Variants in KNG1 observed in about 807,000 individuals in gnomAD.
KNG1 encodes the protein kininogen-1.
In KNG1, 23 loss-of-function variants were observed where a neutral mutation model predicts 47.8. That is an observed-to-expected ratio of 0.48 (90% CI 0.35 to 0.68). KNG1 has a LOEUF of 0.68. KNG1 is among the 30% of genes least tolerant of loss of function. The pLI, the probability that KNG1 is intolerant of heterozygous loss-of-function variation, is 0.01. For missense variants in KNG1, 762 were observed against 790.2 expected (o/e 0.96, Z 0.43); for synonymous variants, 277 against 277.0 (o/e 1.00, Z 0.00).
At chr3:186,720,049 A>G in intron 1 of KNG1, 56 bp from the exon 2 acceptor site, 1 of 1,094,944 alleles carries the variant, frequency 9.1e-7, no homozygotes, top group Non-Finnish European at 1.4e-6. Context: ...ACCCACTAGA[A>G]TTATTTGCTG....
chr3:186,727,203 T>C (rs1381235665), intron 4 of KNG1, 34 bp from the exon 5 acceptor site: 4 of 1,377,974 alleles, frequency 2.9e-6, no homozygotes, highest in Non-Finnish European at 4.1e-6. Flanking sequence ...ATGTTTAAAC[T>C]GCCCTTTAAA....
At chr3:186,732,439 G>A (rs1720559748) in intron 6 of KNG1, 63 bp from the exon 7 acceptor site, 1 of 1,488,872 alleles carries the variant, frequency 6.7e-7, no homozygotes, top group Non-Finnish European at 9.4e-7. Context: ...TCTTGTGCAG[G>A]AGGGATGCTA....
intron 2 of KNG1, among the ~76,000 whole-genome samples, chr3:186,720,765 A>G (rs2651641): frequency 0.23 from 33,536 of 145,546 alleles, 4,385 homozygotes; most frequent in African/African-American, 0.33. Context: ...CTGGCACACC[A>G]TAGCTGGTTG....
In KNG1 at chr3:186,743,134, CT is replaced by C. The variant is rs1445860169; in HGVS notation, c.*804del. 5.8e-6 allele frequency: 1 copy of C among 173,128 alleles called. No individual in the cohort carries two copies. Among genetic ancestry groups the C allele is most frequent in the Non-Finnish European group, 1.2e-5 (1 of 86,392 alleles). 10.7% of individuals were successfully genotyped at this position (173,128 alleles called of 1,614,324 possible). A position where few individuals can be genotyped will look rare whatever the true frequency, so the allele number is the denominator to read the frequency against. On this transcript the variant is annotated 3_prime_UTR_variant, in exon 10 of 10. Coordinates refer to ENST00000644859, the MANE Select transcript of KNG1 (RefSeq NM_001102416.3). ...CAACAGGCTTTCATATAGAAGTATTCTGTTTATTTTTGCTGAGCCTAGATTG... is the reference window on the plus strand; with the variant it reads ...CAACAGGCTTTCATATAGAAGTATTCGTTTATTTTTGCTGAGCCTAGATTG...
intron 7 of KNG1, among the ~76,000 whole-genome samples, chr3:186,737,083 T>C (rs1343828193): frequency 6.6e-6 from 1 of 152,164 alleles, no homozygotes; most frequent in Non-Finnish European, 1.5e-5. Flanking sequence ...GGATCTTAAT[T>C]TGAATTCTCT....
intron 9 of KNG1, among the ~76,000 whole-genome samples, 159 bp downstream of exon 9, chr3:186,739,573 C>A (rs1335771462): frequency 6.6e-6 from 1 of 152,170 alleles, no homozygotes; most frequent in East Asian, 1.9e-4. Context: ...TGTTTAATGG[C>A]TAGAAAGAAG....
At position 186,722,491 on chromosome 3, in the gene KNG1, G is replaced by A. The variant is rs578110004; in HGVS notation, c.361G>A (p.Val121Met). ...GAAGAGGAGCAGTACGAAATTCTCC[G>A]TGGCTACCCAGACCTGCCAGATTAC... ...VGKRSSTKFSVATQTCQITPA... is the reference protein window; with the variant it reads ...VGKRSSTKFSMATQTCQITPA... Residue 121 changes from valine (V) to methionine (M), a missense_variant, in exon 3 of 10, where the codon GTG (valine) becomes ATG (methionine). Physicochemically the swap from Val to Met is conservative, Grantham distance 21. Coordinates refer to ENST00000644859, the MANE Select transcript of KNG1 (RefSeq NM_001102416.3). 48 of 1,614,012 alleles carry A rather than the reference G, an allele frequency of 3.0e-5. No individual in the cohort carries two copies. The South Asian group carries it at 4.0e-4, about 13-fold the overall frequency.
At position 186,739,394 on chromosome 3, in the gene KNG1, A is replaced by AGTAAAAAAATTT; in HGVS notation, c.1105_1106insGTAAAAAAATTT (p.Asn369delinsSerLysLysIleTyr). On this transcript the variant is annotated protein_altering_variant, in exon 9 of 10. Coordinates refer to ENST00000644859, the MANE Select transcript of KNG1 (RefSeq NM_001102416.3). Reference sequence around the variant, plus strand: ...GGAGAAAAAAATTTACCCTACTGTCAACTGTCAACCACTGGGAATGGTATG... The same window carrying AGTAAAAAAATTT: ...GGAGAAAAAAATTTACCCTACTGTCAGTAAAAAAATTTACTGTCAACCACTGGGAATGGTATG... 2 of 1,611,026 alleles carry AGTAAAAAAATTT rather than the reference A, an allele frequency of 1.2e-6. No homozygotes were observed. The highest frequency in any genetic ancestry group is 1.7e-6 in the Non-Finnish European group (2 of 1,177,136).
At chr3:186,727,160 A>T (rs1720397047) in intron 4 of KNG1, 77 bp from the exon 5 acceptor site, 1 of 1,017,694 alleles carries the variant, frequency 9.8e-7, no homozygotes, top group Non-Finnish European at 1.6e-6. Flanking sequence ...TGTTTTCTAA[A>T]CTCCTCATAA....
chr3:186,730,669 AAAAAAAAAAAAAAAATATATATAT>A lies in KNG1; in HGVS notation c.673-874_673-851del, dbSNP rs1321969109. 1.6e-3 allele frequency among the ~76,000 whole-genome samples: 105 copies of A among 64,204 alleles called. 1 individual carries two copies. Among genetic ancestry groups the A allele is most frequent in the African/African-American group, 6.5e-3 (97 of 14,842 alleles). The allele number at this position is 64,204 out of a possible 152,430, so 42.1% of individuals were successfully genotyped here. On this transcript the variant is annotated intron_variant, in intron 5 of 9. Coordinates refer to ENST00000644859, the MANE Select transcript of KNG1 (RefSeq NM_001102416.3). ...AGACTCCATCACAAAAAAAAAAAAAAAAAAAAAAAAAAAAATATATATATATATATATATATATATATATATACA... is the reference window on the plus strand; with the variant it reads ...AGACTCCATCACAAAAAAAAAAAAAAATATATATATATATATATATATACA...
chr3:186,720,213 G>A lies in KNG1; in HGVS notation c.304G>A (p.Ala102Thr). ...QDCEYKDAAK[A>T]ATGECTATVG... Reference sequence around the variant, plus strand: ...CTGTGAGTACAAGGATGCTGCAAAAGCAGTAAGTGTATTGGCCATTCTTGG... The same window carrying A: ...CTGTGAGTACAAGGATGCTGCAAAAACAGTAAGTGTATTGGCCATTCTTGG... The change falls in exon 2 of 10, where the codon GCA becomes ACA. Residue 102 changes from alanine (A) to threonine (T), a missense_variant and splice_region_variant. Ala to Thr is a moderately conservative substitution (Grantham distance 58, BLOSUM62 0). Coordinates refer to ENST00000644859, the MANE Select transcript of KNG1 (RefSeq NM_001102416.3). 1 of 1,602,788 alleles carries A rather than the reference G, an allele frequency of 6.2e-7. No individual in the cohort carries two copies. Among genetic ancestry groups the A allele is most frequent in the South Asian group, 1.1e-5 (1 of 90,848 alleles).
chr3:186,739,412 A>C lies in KNG1; in HGVS notation c.1123A>C (p.Met375Leu). Residue 375 changes from methionine (M) to leucine (L), a missense_variant and splice_region_variant, in exon 9 of 10, where the codon ATG becomes CTG. Physicochemically the swap from Met to Leu is conservative, Grantham distance 15. Coordinates refer to ENST00000644859, the MANE Select transcript of KNG1 (RefSeq NM_001102416.3). ...TACTGTCAACTGTCAACCACTGGGA[A>C]TGGTATGATTCTAATTACAGTCAGC... ...YPTVNCQPLG[M>L]ISLMKRPPGF... The C allele has an allele frequency of 6.3e-7, 1 of 1,597,026 alleles. No individual in the cohort carries two copies. Among genetic ancestry groups the C allele is most frequent in the Non-Finnish European group, 8.6e-7 (1 of 1,164,432 alleles).
rs1720850244 is a variant in KNG1 at position 186,742,822 on chromosome 3, G to A, written c.*491G>A. 2.1e-6 allele frequency: 2 copies of A among 950,766 alleles called. No individual in the cohort carries two copies. The highest frequency in any genetic ancestry group is 5.3e-4 in the Middle Eastern group (1 of 1,872). 58.9% of individuals were successfully genotyped at this position (950,766 alleles called of 1,614,324 possible). On this transcript the variant is annotated 3_prime_UTR_variant, in exon 10 of 10. Coordinates refer to ENST00000644859, the MANE Select transcript of KNG1 (RefSeq NM_001102416.3). ...AATTGCTTGAACCCGGGAGGCGGAG[G>A]TTGCAGTGAGCCGAGATCGTGCCAC...
At position 186,732,681 on chromosome 3, in the gene KNG1, A is replaced by G. The variant is rs770717513; in HGVS notation, c.930+7A>G. 6 of 1,607,952 alleles carry G rather than the reference A, an allele frequency of 3.7e-6. No homozygotes were observed. Among genetic ancestry groups the G allele is most frequent in the Non-Finnish European group, 4.3e-6 (5 of 1,174,310 alleles). Reference sequence around the variant, plus strand: ...GAAAAAAGCAAGAGTACAGGTGTGTAAACTATACTACAAAAGCAGTAACAC... The same window carrying G: ...GAAAAAAGCAAGAGTACAGGTGTGTGAACTATACTACAAAAGCAGTAACAC... On this transcript the variant is annotated splice_region_variant and intron_variant, in intron 7 of 9. Transcript: ENST00000644859.
chr3:186,723,758 CCAGCCT>C (rs3083990), intron 3 of KNG1, among the ~76,000 whole-genome samples: 34,845 of 151,560 alleles, frequency 0.23, 4,219 homozygotes, highest in South Asian at 0.31. Flanking sequence ...AAGCAATTCT[CCAGCCT>C]CAGCCTCAGC....
chr3:186,727,423 G>T (rs1348056767), intron 5 of KNG1, 79 bp downstream of exon 5: 13 of 914,104 alleles, frequency 1.4e-5, no homozygotes, highest in Non-Finnish European at 1.3e-5. Flanking sequence ...TGGGTGGGAA[G>T]ACTGTCACGA....
rs139145850 is a variant in KNG1 at position 186,729,914 on chromosome 3, C to T, written c.673-1631C>T. On this transcript the variant is annotated intron_variant, in intron 5 of 9. Transcript: ENST00000644859. ...CTCGAACTCCCAACCTCAGGTGATCCGCCTGCCTCAGCCTCCCAAAGTGAC... is the reference window on the plus strand; with the variant it reads ...CTCGAACTCCCAACCTCAGGTGATCTGCCTGCCTCAGCCTCCCAAAGTGAC... 1.8e-3 allele frequency among the ~76,000 whole-genome samples: 268 copies of T among 152,208 alleles called. 1 individual carries two copies. Among genetic ancestry groups the T allele is most frequent in the African/African-American group, 5.9e-3 (246 of 41,548 alleles).
At position 186,742,783 on chromosome 3, in the gene KNG1, G is replaced by A. The variant is rs1720849109; in HGVS notation, c.*452G>A. The A allele has an allele frequency of 4.0e-6, 4 of 993,344 alleles. No homozygotes were observed. The highest frequency in any genetic ancestry group is 4.8e-6 in the Non-Finnish European group (4 of 833,874). The allele number at this position is 993,344 out of a possible 1,614,324, so 61.5% of individuals were successfully genotyped here. A position where few individuals can be genotyped will look rare whatever the true frequency, so the allele number is the denominator to read the frequency against. ...ATTAATGGAATAGAAATAATAAGGA[G>A]GCTGAGGCTGGAGAATTGCTTGAAC... On this transcript the variant is annotated 3_prime_UTR_variant, in exon 10 of 10. Coordinates refer to ENST00000644859, the MANE Select transcript of KNG1 (RefSeq NM_001102416.3).
chr3:186,741,065 C>T (rs1462963635), intron 9 of KNG1, among the ~76,000 whole-genome samples: 1 of 151,920 alleles, frequency 6.6e-6, no homozygotes, highest in African/African-American at 2.4e-5. Context: ...GCCATCTCAG[C>T]TCACTGCAAC....
Sources: allele counts gnomAD v4.1 joint callset (sites outside exome capture counted in the v4.1 genomes callset), GRCh38; gene constraint gnomAD v4.1.1; transcripts MANE v1.5; gene names NCBI Gene and HGNC (gene_info 2026-07-23, HGNC 2026-07-21).